Variants in ZBTB37 observed in about 807,000 individuals in gnomAD.
ZBTB37 encodes the protein zinc finger and BTB domain-containing protein 37.
ZBTB37 carries 15 observed loss-of-function variants against 37.7 expected under a neutral mutation model. That is an observed-to-expected ratio of 0.40 (90% CI 0.27 to 0.61). The LOEUF (loss-of-function observed/expected upper bound fraction) is 0.61. ZBTB37 is among the 20% of genes least tolerant of loss of function. The probability of loss-of-function intolerance (pLI) is 0.44; values close to 1 mark genes in which losing one functional copy is unlikely to be tolerated. For missense variants in ZBTB37, 514 were observed against 641.9 expected (o/e 0.80, Z 2.15); for synonymous variants, 231 against 220.6 (o/e 1.05, Z -0.42).
chr1:173,886,260 T>C lies in ZBTB37; in HGVS notation c.*136T>C, dbSNP rs1255421179. On this transcript the variant is annotated 3_prime_UTR_variant, in exon 5 of 5. Transcript: ENST00000427304. ...AGATGCTCCCAAGATGTTGCCAAAC[T>C]GGAGGATCAGCAACTTACACAAAAG... is the stretch of plus-strand genomic sequence containing the variant. 2.2e-5 allele frequency: 30 copies of C among 1,369,140 alleles called. No individual in the cohort carries two copies. In the East Asian group the frequency reaches 7.6e-4, roughly 35 times the overall value. The allele number at this position is 1,369,140 out of a possible 1,614,324, so 84.8% of individuals were successfully genotyped here.
At chr1:173,884,999 C>T (rs887739120) in intron 4 of ZBTB37, among the ~76,000 whole-genome samples, 4 of 151,988 alleles carry the variant, frequency 2.6e-5, no homozygotes, top group African/African-American at 7.3e-5. Context: ...TTTGGGAGAT[C>T]GAGGTGGGTA....
intron 4 of ZBTB37, among the ~76,000 whole-genome samples, chr1:173,873,925 A>G (rs949021848): frequency 6.6e-6 from 1 of 152,222 alleles, no homozygotes; most frequent in Non-Finnish European, 1.5e-5. Context: ...TAAATACAGA[A>G]AAGAACAATT....
exon 4 of ZBTB37, chr1:173,903,176 C>T (rs1244325173): frequency 6.6e-6 from 1 of 152,118 alleles, no homozygotes; most frequent in Non-Finnish European, 1.5e-5. Flanking sequence ...TCTGTCCTTC[C>T]CCTGATGACA....
At chr1:173,882,802 G>A (rs775044154) in intron 4 of ZBTB37, among the ~76,000 whole-genome samples, 13 of 152,204 alleles carry the variant, frequency 8.5e-5, no homozygotes, top group Non-Finnish European at 1.5e-4. Flanking sequence ...CATAAGGCTA[G>A]CCAGTTTTCC....
chr1:173,888,584 G>A (rs1656720268), downstream of ZBTB37: 1 of 148,264 alleles, frequency 6.7e-6, no homozygotes, highest in Non-Finnish European at 1.5e-5. Flanking sequence ...GCACCACCAT[G>A]TCTAGCTAAT....
At position 173,885,165 on chromosome 1, in the gene ZBTB37, G is replaced by T. The variant is rs1226671497; in HGVS notation, c.1024-471G>T. Among the ~76,000 whole-genome samples, 11 of 152,280 alleles carry T rather than the reference G, an allele frequency of 7.2e-5. No homozygotes were observed. In the East Asian group the frequency reaches 2.1e-3, roughly 29 times the overall value. On this transcript the variant is annotated intron_variant, in intron 4 of 4. Transcript: ENST00000427304. Reference sequence around the variant, plus strand: ...GGGAGGATCATCTGATCCTGAGGAGGTCTAGGCTGTAGTGAGCCGTGATCA... The same window carrying T: ...GGGAGGATCATCTGATCCTGAGGAGTTCTAGGCTGTAGTGAGCCGTGATCA...
exon 4 of ZBTB37, chr1:173,892,477 A>G (rs1345603108): frequency 6.6e-6 from 1 of 152,206 alleles, no homozygotes; most frequent in Non-Finnish European, 1.5e-5. Flanking sequence ...GTTAGATATT[A>G]TGAATACTTT....
rs772273108 is a variant in ZBTB37 at position 173,885,628 on chromosome 1, T to A, written c.1024-8T>A. 4.0e-5 allele frequency: 61 copies of A among 1,539,430 alleles called. No individual in the cohort carries two copies. The highest frequency in any genetic ancestry group is 3.4e-4 in the Middle Eastern group (2 of 5,964). On this transcript the variant is annotated splice_region_variant and splice_polypyrimidine_tract_variant and intron_variant, in intron 4 of 4. Transcript: ENST00000427304. ...TTCTTTCTTGGTTATTTTCCTTACC[T>A]GGTACAGGTAGAAGAGTCAGCAATG... is the stretch of plus-strand genomic sequence containing the variant.
exon 4 of ZBTB37, chr1:173,899,222 T>G (rs1171892883): frequency 6.6e-6 from 1 of 152,166 alleles, no homozygotes; most frequent in Non-Finnish European, 1.5e-5. Context: ...TGTAGCATAG[T>G]TCTCTGCCTA....
exon 4 of ZBTB37, chr1:173,902,441 CTAA>C (rs1353385647): frequency 2.6e-5 from 4 of 152,130 alleles, no homozygotes; most frequent in Non-Finnish European, 5.9e-5. Context: ...TTGAAAAAAA[CTAA>C]TGTTTGAGAT....
chr1:173,899,650 G>T (rs1196261974), exon 4 of ZBTB37: 1 of 152,134 alleles, frequency 6.6e-6, no homozygotes, highest in Non-Finnish European at 1.5e-5. Flanking sequence ...CATTTTATTG[G>T]TCTGTTGTGC....
chr1:173,877,450 T>C (rs1312846168), intron 4 of ZBTB37, among the ~76,000 whole-genome samples: 1 of 148,600 alleles, frequency 6.7e-6, no homozygotes, highest in East Asian at 2.0e-4. Flanking sequence ...GGTATGATCA[T>C]GTCTCACTGC....
chr1:173,877,267 A>G (rs367970992), intron 4 of ZBTB37, among the ~76,000 whole-genome samples: 1 of 152,156 alleles, frequency 6.6e-6, no homozygotes, highest in East Asian at 1.9e-4. Flanking sequence ...GTAAGACTCT[A>G]CAGTATAAAC....
chr1:173,876,864 G>A (rs1655999778), intron 4 of ZBTB37, among the ~76,000 whole-genome samples: 1 of 152,122 alleles, frequency 6.6e-6, no homozygotes, highest in African/African-American at 2.4e-5. Flanking sequence ...TCTGAGAAAT[G>A]CTAGACCATT....
intron 4 of ZBTB37, among the ~76,000 whole-genome samples, chr1:173,882,786 T>C (rs578251857): frequency 5.9e-5 from 9 of 152,330 alleles, no homozygotes; most frequent in African/African-American, 2.2e-4. Context: ...CAGTTTCAGC[T>C]TTCTACATAA....
At chr1:173,885,722 C>T in exon 5 of ZBTB37, 1 of 1,551,480 alleles carries the variant, frequency 6.4e-7, no homozygotes, top group South Asian at 1.2e-5. Context: ...TCCGGTACAA[C>T]CCTCGTCTCA....
Position 173,871,097 on chromosome 1 carries a change from T to G in ZBTB37, c.872T>G (p.Leu291Ter). The change falls in exon 3 of 5, where the codon TTA becomes TGA. Residue 291 changes from leucine to a stop codon, truncating the protein, a stop_gained. Transcript: ENST00000427304. LOFTEE classifies it high-confidence loss of function. Reference sequence around the variant, plus strand: ...TCTGTAGGACAGGAAAATTATACTTTAGGGTCTTCAGGAGCCAAGGTGGCT... The same window carrying G: ...TCTGTAGGACAGGAAAATTATACTTGAGGGTCTTCAGGAGCCAAGGTGGCT... 2 of 1,613,538 alleles carry G rather than the reference T, an allele frequency of 1.2e-6. No homozygotes were observed. Among genetic ancestry groups the G allele is most frequent in the Non-Finnish European group, 8.5e-7 (1 of 1,179,822 alleles).
chr1:173,873,671 C>G, intron 4 of ZBTB37, 105 bp downstream of exon 4: 8 of 1,487,000 alleles, frequency 5.4e-6, no homozygotes, highest in Non-Finnish European at 7.2e-6. Context: ...GTAACAATGG[C>G]CCTGTTAAAG....
exon 4 of ZBTB37, chr1:173,899,274 T>A (rs1384911212): frequency 6.6e-6 from 1 of 152,194 alleles, no homozygotes; most frequent in Non-Finnish European, 1.5e-5. Context: ...TAATTCCTGC[T>A]TAGGAAAATT....
Sources: gnomAD v4.1 joint callset for allele counts (sites outside exome capture counted in the v4.1 genomes callset) on GRCh38, gnomAD v4.1.1 for gene constraint, MANE v1.5 for transcripts, NCBI Gene and HGNC (gene_info 2026-07-23, HGNC 2026-07-21) for gene names.